The following EPHA6 variants were observed in gnomAD, a reference collection of about 807,000 sequenced individuals.
The protein encoded by EPHA6 is ephrin type-A receptor 6.
A neutral mutation model predicts 112.0 loss-of-function variants in EPHA6; 50 were observed. The observed-to-expected ratio is 0.45, with a 90% CI of 0.36 to 0.56. EPHA6 has a LOEUF of 0.56. EPHA6 is among the 20% of genes least tolerant of loss of function. The pLI is 0.00. For missense variants in EPHA6, 1,280 were observed against 1,417.4 expected (o/e 0.90, Z 1.56); for synonymous variants, 529 against 490.7 (o/e 1.08, Z -1.03).
intron 4 of EPHA6, among the ~76,000 whole-genome samples, chr3:97,235,030 C>T (rs1173086719): frequency 1.3e-5 from 2 of 152,086 alleles, no homozygotes; most frequent in Non-Finnish European, 2.9e-5. Flanking sequence ...TGAAATGCTC[C>T]TTCCTTAGGT....
chr3:97,452,800 C>T (rs1330467938), intron 7 of EPHA6, among the ~76,000 whole-genome samples: 2 of 151,372 alleles, frequency 1.3e-5, no homozygotes, highest in African/African-American at 2.4e-5. Flanking sequence ...AAATACAGTC[C>T]TTTTTGGCTT....
intron 7 of EPHA6, among the ~76,000 whole-genome samples, chr3:97,449,980 A>G (rs2090470010): frequency 1.3e-5 from 2 of 152,202 alleles, no homozygotes; most frequent in South Asian, 4.1e-4. Flanking sequence ...CTACAAAGGG[A>G]GAAAGTGCTG....
At chr3:96,861,840 C>T (rs1441875256) in intron 1 of EPHA6, among the ~76,000 whole-genome samples, 2 of 151,838 alleles carry the variant, frequency 1.3e-5, no homozygotes, top group Non-Finnish European at 2.9e-5. Context: ...AAAGTATGAT[C>T]CTCTTTAGAA....
Position 97,747,434 on chromosome 3 carries a change from C to T in EPHA6, c.3140C>T (p.Ser1047Phe), listed in dbSNP as rs753116946. The T allele has an allele frequency of 6.4e-6, 10 of 1,558,716 alleles. No individual in the cohort carries two copies. Among genetic ancestry groups the T allele is most frequent in the Admixed American group, 5.9e-5 (3 of 51,176 alleles). Residue 1047 changes from serine to phenylalanine, a missense_variant, in exon 17 of 18, where the codon TCC becomes TTC. Around this residue, in one of 4 missense-constraint regions of EPHA6, gnomAD observed 145 missense variants for 153.3 expected, o/e 0.95. Transcript: ENST00000389672. ...TTGTTTTCTTACAGAATGCCAGAGT[C>T]CCCTGGTGAAGTTCCGGAATATCCT... Reference protein sequence around the residue: ...LVEDILVMPESPGEVPEYPLF... With the variant: ...LVEDILVMPEFPGEVPEYPLF...
chr3:97,694,650 C>G (rs1338045093), intron 14 of EPHA6, among the ~76,000 whole-genome samples: 1 of 152,226 alleles, frequency 6.6e-6, no homozygotes, highest in Non-Finnish European at 1.5e-5. Flanking sequence ...GAAGTCACTT[C>G]ACTTCTGCCT....
At chr3:97,490,664 A>C (rs1324756573) in intron 10 of EPHA6, among the ~76,000 whole-genome samples, 2 of 152,226 alleles carry the variant, frequency 1.3e-5, no homozygotes, top group African/African-American at 2.4e-5. Flanking sequence ...AGAAAGACCC[A>C]CATATCGACA....
intron 2 of EPHA6, among the ~76,000 whole-genome samples, chr3:96,976,666 C>G (rs925378802): frequency 2.0e-5 from 3 of 152,118 alleles, no homozygotes; most frequent in Non-Finnish European, 4.4e-5. Flanking sequence ...AGCCTCTACT[C>G]CATGCTAGAG....
chr3:97,361,605 A>G (rs1226704553), intron 5 of EPHA6, among the ~76,000 whole-genome samples: 1 of 152,186 alleles, frequency 6.6e-6, no homozygotes, highest in Admixed American at 6.6e-5. Flanking sequence ...CAGAGTATCA[A>G]GGTAGTGCAG....
chr3:97,754,106 G>A lies in EPHA6; in HGVS notation c.*5405G>A. ...TATCTTTTTTTTTTTTTTTTTTTTT[G>A]AGATGGAGTTTCCCTCTTGTTGCCC... On this transcript the variant is annotated 3_prime_UTR_variant, in exon 18 of 18. Transcript: ENST00000389672. Among the ~76,000 whole-genome samples, 1 of 44,102 alleles carries A rather than the reference G, an allele frequency of 2.3e-5. No individual in the cohort carries two copies. Among genetic ancestry groups the A allele is most frequent in the African/African-American group, 9.4e-5 (1 of 10,656 alleles). 28.9% of individuals were successfully genotyped at this position (44,102 alleles called of 152,430 possible).
At chr3:97,197,711 C>T (rs751964095) in intron 3 of EPHA6, among the ~76,000 whole-genome samples, 6 of 151,976 alleles carry the variant, frequency 3.9e-5, no homozygotes, top group Non-Finnish European at 8.8e-5. Context: ...ACCCCAAGTC[C>T]ACTGGCTTCT....
intron 5 of EPHA6, among the ~76,000 whole-genome samples, chr3:97,248,774 T>C (rs2079052421): frequency 6.6e-6 from 1 of 152,116 alleles, no homozygotes; most frequent in Non-Finnish European, 1.5e-5. Flanking sequence ...ATTGAAAATA[T>C]GTTTAAATCA....
chr3:96,915,912 G>C (rs1035552117), intron 2 of EPHA6, among the ~76,000 whole-genome samples: 2 of 152,064 alleles, frequency 1.3e-5, no homozygotes, highest in African/African-American at 4.8e-5. Flanking sequence ...AACCATCATT[G>C]AATGTGTCGT....
At chr3:97,338,659 G>A (rs1325167793) in intron 5 of EPHA6, among the ~76,000 whole-genome samples, 3 of 152,076 alleles carry the variant, frequency 2.0e-5, no homozygotes, top group South Asian at 2.1e-4. Flanking sequence ...ATTATATCAC[G>A]TAATTGAGAT....
At chr3:97,302,390 A>T (rs1453448953) in intron 5 of EPHA6, among the ~76,000 whole-genome samples, 1 of 151,786 alleles carries the variant, frequency 6.6e-6, no homozygotes, top group African/African-American at 2.4e-5. Flanking sequence ...AAACCACTGT[A>T]TATTATTTTT....
chr3:97,455,236 A>G (rs2090644008), intron 7 of EPHA6, among the ~76,000 whole-genome samples: 1 of 152,088 alleles, frequency 6.6e-6, no homozygotes, highest in South Asian at 2.1e-4. Flanking sequence ...TTGAGATTTC[A>G]TAACAACATA....
chr3:97,076,727 T>C (rs2046538931), intron 3 of EPHA6, among the ~76,000 whole-genome samples: 1 of 152,150 alleles, frequency 6.6e-6, no homozygotes, highest in African/African-American at 2.4e-5. Context: ...CTGACACTGC[T>C]GTTACGGGCT....
intron 3 of EPHA6, among the ~76,000 whole-genome samples, chr3:97,168,253 C>T (rs181018555): frequency 2.5e-4 from 38 of 152,228 alleles, no homozygotes; most frequent in African/African-American, 7.9e-4. Flanking sequence ...TTCTCAACAA[C>T]GATTCTAACT....
At chr3:97,710,145 G>A (rs943383816) in intron 14 of EPHA6, among the ~76,000 whole-genome samples, 22 of 152,076 alleles carry the variant, frequency 1.4e-4, no homozygotes, top group African/African-American at 5.3e-4. Context: ...CTCCACCTTT[G>A]GGGGTGAGCC....
chr3:97,163,613 C>T (rs1385580168), intron 3 of EPHA6, among the ~76,000 whole-genome samples: 2 of 152,022 alleles, frequency 1.3e-5, no homozygotes, highest in African/African-American at 4.8e-5. Context: ...GGTGATGGGT[C>T]CTGAGGAGGC....
Sources: gnomAD v4.1 joint callset for allele counts (sites outside exome capture counted in the v4.1 genomes callset) on GRCh38, gnomAD v4.1.1 for gene constraint, gnomAD v4.1.1 regional missense constraint, MANE v1.5 for transcripts, NCBI Gene and HGNC (gene_info 2026-07-23, HGNC 2026-07-21) for gene names.